The following MID1 variants were observed in gnomAD, a reference collection of about 807,000 sequenced individuals.
The protein encoded by MID1 is midline 1, also known as E3 ubiquitin-protein ligase Midline-1.
A neutral mutation model predicts 40.4 loss-of-function variants in MID1; 7 were observed. The ratio of observed to expected loss-of-function variants is 0.17; its 90% CI spans 0.10 to 0.33. The LOEUF is 0.33. MID1 is among the 10% of genes least tolerant of loss of function. MID1 has a pLI of 1.00. For missense variants in MID1, 367 were observed against 558.5 expected (o/e 0.66, Z 3.46); for synonymous variants, 229 against 221.2 (o/e 1.04, Z -0.31).
chrX:10,613,718 TATATATATATATATAG>T (rs1287562070), intron 1 of MID1, among the ~76,000 whole-genome samples: 15 of 55,476 alleles, frequency 2.7e-4, no homozygotes, highest in Non-Finnish European at 4.3e-4. Flanking sequence ...TATATATATA[TATATATATATATATAG>T]AGAGAGAGAG....
chrX:10,670,104 T>C (rs2147591442), intron 1 of MID1, among the ~76,000 whole-genome samples: 1 of 112,338 alleles, frequency 8.9e-6, no homozygotes, highest in African/African-American at 3.2e-5. Context: ...CGAACAAGAA[T>C]TGCAAGGAAC....
chrX:10,794,511 A>G (rs771650318), intron 1 of MID1, among the ~76,000 whole-genome samples: 1 of 112,415 alleles, frequency 8.9e-6, no homozygotes, highest in Non-Finnish European at 1.9e-5. Flanking sequence ...GCACAGAGCT[A>G]AGGAACTTGA....
rs145830680 is a variant in MID1 at position 10,802,973 on chromosome X, T to C, written c.-187+30581A>G. Among the ~76,000 whole-genome samples the C allele has an allele frequency of 6.3e-5, 7 of 111,315 alleles. No individual in the cohort carries two copies. The East Asian group carries it at 1.7e-3, about 27-fold the overall frequency. The stretch of plus-strand genomic sequence containing the variant: ...CTCACTTATAAATGGGAGCTAAACA[T>C]TGGGTTCACATATACATAAATATGG... On this transcript the variant is annotated intron_variant, in intron 1 of 10. Coordinates refer to the MID1 transcript ENST00000380785.
In MID1 at chrX:10,749,785, C is replaced by T. The variant is rs780364571; in HGVS notation, c.-187+83769G>A. Among the ~76,000 whole-genome samples, 6 of 111,239 alleles carry T rather than the reference C, an allele frequency of 5.4e-5. No individual in the cohort carries two copies. In the East Asian group the frequency reaches 1.4e-3, roughly 26 times the overall value. On this transcript the variant is annotated intron_variant, in intron 1 of 10. Coordinates refer to the MID1 transcript ENST00000380785. ...GAGATGCCACACACTTTTAAACAGT[C>T]AGCTCTTGAGAGAAGTCACTATCAC... is the stretch of plus-strand genomic sequence containing the variant.
At chrX:10,701,200 T>C (rs932664091) in intron 1 of MID1, among the ~76,000 whole-genome samples, 1 of 112,093 alleles carries the variant, frequency 8.9e-6, no homozygotes, top group African/African-American at 3.2e-5. Flanking sequence ...TGAAGTGTTA[T>C]CCCTTCCTTA....
intron 1 of MID1, among the ~76,000 whole-genome samples, chrX:10,767,104 A>G (rs887249893): frequency 1.2e-4 from 13 of 110,854 alleles, no homozygotes; most frequent in African/African-American, 4.3e-4. Context: ...GTCAGCCTGT[A>G]ATGGAAATTC....
intron 2 of MID1, among the ~76,000 whole-genome samples, chrX:10,555,846 G>A (rs1370649398): frequency 3.6e-5 from 4 of 110,617 alleles, no homozygotes; most frequent in South Asian, 3.9e-4. Context: ...CGATGATACC[G>A]CTATTCTAGG....
At chrX:10,822,336 C>A (rs1233148645) in intron 1 of MID1, among the ~76,000 whole-genome samples, 1 of 111,546 alleles carries the variant, frequency 9.0e-6, no homozygotes, top group Non-Finnish European at 1.9e-5. Context: ...ATACAAAAAT[C>A]AACTCAAGAT....
At chrX:10,602,877 A>G (rs112613199) in intron 1 of MID1, among the ~76,000 whole-genome samples, 2,660 of 111,855 alleles carry the variant, frequency 0.024, 95 homozygotes, top group African/African-American at 0.082. Flanking sequence ...AGTGTTTCTC[A>G]AGGTGTGGAA....
intron 1 of MID1, among the ~76,000 whole-genome samples, chrX:10,641,555 A>G (rs946797429): frequency 8.9e-6 from 1 of 112,044 alleles, no homozygotes; most frequent in Non-Finnish European, 1.9e-5. Flanking sequence ...GTCAAGGACC[A>G]GACAGATTCA....
chrX:10,828,658 G>A (rs1368545672), intron 1 of MID1, among the ~76,000 whole-genome samples: 2 of 111,763 alleles, frequency 1.8e-5, no homozygotes, highest in East Asian at 5.6e-4. Flanking sequence ...AATAAACAGA[G>A]GACATGGTGT....
At chrX:10,515,022 C>G (rs1352186809) in intron 3 of MID1, among the ~76,000 whole-genome samples, 1 of 111,684 alleles carries the variant, frequency 9.0e-6, no homozygotes, top group Non-Finnish European at 1.9e-5. Context: ...GCAGGATATA[C>G]TTCATCCAAG....
At chrX:10,522,511 T>C (rs1932755833) in intron 3 of MID1, among the ~76,000 whole-genome samples, 1 of 112,314 alleles carries the variant, frequency 8.9e-6, no homozygotes, top group Non-Finnish European at 1.9e-5. Context: ...AATACCTTTT[T>C]TTTGAGACGG....
intron 2 of MID1, among the ~76,000 whole-genome samples, chrX:10,539,235 A>T (rs1433728516): frequency 1.8e-5 from 2 of 112,101 alleles, no homozygotes; most frequent in African/African-American, 6.5e-5. Context: ...AATAGCAAAC[A>T]CTTCCCAAAC....
chrX:10,665,239 C>A (rs188183571), intron 1 of MID1, among the ~76,000 whole-genome samples: 75 of 112,355 alleles, frequency 6.7e-4, no homozygotes, highest in African/African-American at 2.3e-3. Flanking sequence ...TCAAAAAAAT[C>A]TCCAAAACCA....
intron 2 of MID1, among the ~76,000 whole-genome samples, chrX:10,528,910 A>T (rs1330576959): frequency 9.0e-6 from 1 of 111,713 alleles, no homozygotes; most frequent in African/African-American, 3.3e-5. Flanking sequence ...TGACTCGTAG[A>T]TATTCTAATT....
At chrX:10,726,445 G>T (rs764686374) in intron 1 of MID1, among the ~76,000 whole-genome samples, 1 of 111,128 alleles carries the variant, frequency 9.0e-6, no homozygotes, top group East Asian at 2.8e-4. Context: ...AAGATAAAAG[G>T]TTGGGGATTT....
chrX:10,585,537 G>C (rs1327994829), intron 1 of MID1, among the ~76,000 whole-genome samples: 1 of 112,032 alleles, frequency 8.9e-6, no homozygotes, highest in African/African-American at 3.2e-5. Flanking sequence ...TGGCTCAGGA[G>C]AGCGTTTATA....
At chrX:10,521,681 TCTG>T (rs1932716321) in intron 3 of MID1, among the ~76,000 whole-genome samples, 1 of 111,982 alleles carries the variant, frequency 8.9e-6, no homozygotes, top group Non-Finnish European at 1.9e-5. Flanking sequence ...CATTGCAGGT[TCTG>T]CTGTTGTTGC....
Sources: allele counts gnomAD v4.1 joint callset (sites outside exome capture counted in the v4.1 genomes callset), GRCh38; gene constraint gnomAD v4.1.1; transcripts MANE v1.5; gene names NCBI Gene and HGNC (gene_info 2026-07-23, HGNC 2026-07-21).